HSPG2: variants seen among roughly 807,000 people sequenced by gnomAD.
The protein encoded by HSPG2 is heparan sulfate proteoglycan 2, also known as basement membrane-specific heparan sulfate proteoglycan core protein.
Under a neutral mutation model 526.6 loss-of-function variants are expected in HSPG2, and 278 were observed. That is an observed-to-expected ratio of 0.53 (90% confidence interval 0.48 to 0.58). The LOEUF (loss-of-function observed/expected upper bound fraction) is 0.58, where lower values mean the gene tolerates loss of function less well. HSPG2 is among the 20% of genes least tolerant of loss of function. The pLI is 0.00. For synonymous variants in HSPG2, 2,465 were observed against 2,555.4 expected, an observed-to-expected ratio of 0.96 and a Z score of 1.07; for missense variants, 5,354 against 6,099.5, an observed-to-expected ratio of 0.88 and a Z score of 4.07.
chr1:21,880,277 G>A (rs1272175507), intron 16 of HSPG2, 23 bp from the exon 17 acceptor site: 25 of 1,614,020 alleles, frequency 1.5e-5, no homozygotes, highest in East Asian at 4.5e-5. Flanking sequence ...GACCAAAAGA[G>A]TCGCTGCAAG....
At chr1:21,902,159 C>T (rs1643134944) in intron 1 of HSPG2, among the ~76,000 whole-genome samples, 1 of 152,092 alleles carries the variant, frequency 6.6e-6, no homozygotes, top group South Asian at 2.1e-4. Context: ...GGGCTCAGAG[C>T]CCGACACAAA....
rs770608160 is a variant in HSPG2 at position 21,824,096 on chromosome 1, C to G, written c.12899+25G>C. 35 of 1,604,032 alleles carry G rather than the reference C, an allele frequency of 2.2e-5. No homozygotes were observed. The highest frequency in any genetic ancestry group is 2.7e-5 in the Non-Finnish European group (32 of 1,174,024). On this transcript the variant is annotated intron_variant, in intron 95 of 96. Coordinates refer to ENST00000374695, the MANE Select transcript of HSPG2 (RefSeq NM_005529.7). The surrounding 1 kb of genome is among the most constrained non-coding windows in gnomAD (Gnocchi z 5.9). ...CCACTCCAGAACGCTGGGCCCCATC[C>G]CGAGTGCCCGGCAGGGTCCCTTACC... is the stretch of plus-strand genomic sequence containing the variant.
chr1:21,894,817 C>T (rs1450628120), intron 3 of HSPG2, among the ~76,000 whole-genome samples: 1 of 152,160 alleles, frequency 6.6e-6, no homozygotes, highest in African/African-American at 2.4e-5. Context: ...GCCATGTGTG[C>T]CTGGGGCCCA....
At chr1:21,870,443 GC>G (rs917153130) in intron 33 of HSPG2, 39 of 251,658 alleles carry the variant, frequency 1.5e-4, no homozygotes, top group African/African-American at 7.4e-4. Flanking sequence ...AAAGATGCAT[GC>G]CCCCCCTCTC....
intron 1 of HSPG2, among the ~76,000 whole-genome samples, chr1:21,907,627 C>T (rs1643447212): frequency 6.6e-6 from 1 of 152,172 alleles, no homozygotes; most frequent in African/African-American, 2.4e-5. Flanking sequence ...AAGATATCCT[C>T]CTGCCTCAGC....
chr1:21,850,459 C>G lies in HSPG2; in HGVS notation c.7198G>C (p.Ala2400Pro). Residue 2400 changes from alanine (A) to proline (P), a missense_variant, in exon 56 of 97, where the codon GCC becomes CCC. Ala to Pro is a conservative substitution (Grantham distance 27). Transcript: ENST00000374695. ...CGGCACACGTACTCGCCCGAGTCGG[C>G]GGGGGACGCTTGGTAGAGTCTCAGC... The part of the protein sequence containing the change: ...SLLRLYQASP[A>P]DSGEYVCRVL... 6.2e-7 allele frequency: 1 copy of G among 1,612,044 alleles called. No homozygotes were observed. Among genetic ancestry groups the G allele is most frequent in the Non-Finnish European group, 8.5e-7 (1 of 1,179,346 alleles).
chr1:21,828,057 C>T lies in HSPG2; in HGVS notation c.12505G>A (p.Gly4169Ser). ...CQGTRCLCLP[G>S]FSGPRCQQGS... ...TGTTGGCAGCGTGGGCCAGAGAAGC[C>T]AGGGAGGCAGAGGCAGCGGGTGCCC... is the stretch of plus-strand genomic sequence containing the variant. The change falls in exon 90 of 97, where the codon GGC becomes AGC. Residue 4169 changes from glycine (G) to serine (S), a missense_variant. Gly to Ser is a moderately conservative substitution (Grantham distance 56, BLOSUM62 0). Transcript: ENST00000374695. The surrounding 1 kb of genome is among the most constrained non-coding windows in gnomAD (Gnocchi z 6.0). 6.2e-7 allele frequency: 1 copy of T among 1,613,580 alleles called. No homozygotes were observed. Among genetic ancestry groups the T allele is most frequent in the African/African-American group, 1.3e-5 (1 of 75,014 alleles).
chr1:21,839,180 A>C lies in HSPG2; in HGVS notation c.9890-95T>G. 2.0e-6 allele frequency: 3 copies of C among 1,494,834 alleles called. No homozygotes were observed. The highest frequency in any genetic ancestry group is 2.7e-6 in the Non-Finnish European group (3 of 1,105,174). 92.6% of individuals were successfully genotyped at this position (1,494,834 alleles called of 1,614,324 possible). On this transcript the variant is annotated intron_variant, in intron 73 of 96. Coordinates refer to ENST00000374695, the MANE Select transcript of HSPG2 (RefSeq NM_005529.7). This position sits in a 1 kb window ranked among gnomAD's most constrained non-coding sequence, Gnocchi z 4.5. ...CAGTGTCCAGGGAAGCTGAATGGTG[A>C]GCCCAGAGGACTGGGGATAAGGAAA... is the stretch of plus-strand genomic sequence containing the variant.
rs1276908675 is a variant in HSPG2, at chr1:21,884,803, T to G, written c.1471A>C (p.Ile491Leu). ...ACGAGCTCAAGGACACCGTCAGGAA[T>G]GCCAAACACCATGCCCCGGGCGTTC... ...AMNARGMVFG[I>L]PDGVLELVPQ... Residue 491 changes from isoleucine to leucine, a missense_variant, in exon 12 of 97, where the codon ATT (isoleucine) becomes CTT (leucine). Ile to Leu is a conservative substitution (Grantham distance 5). Coordinates refer to ENST00000374695, the MANE Select transcript of HSPG2 (RefSeq NM_005529.7). 1 of 1,613,610 alleles carries G rather than the reference T, an allele frequency of 6.2e-7. No individual in the cohort carries two copies. Among genetic ancestry groups the G allele is most frequent in the Non-Finnish European group, 8.5e-7 (1 of 1,180,004 alleles).
Position 21,862,122 on chromosome 1 carries a change from G to A in HSPG2, c.4741-7C>T. On this transcript the variant is annotated splice_polypyrimidine_tract_variant and splice_region_variant and intron_variant, in intron 37 of 96. Coordinates refer to ENST00000374695, the MANE Select transcript of HSPG2 (RefSeq NM_005529.7). ...CGGCGTTGTGCTGGCATTGCTGCAG[G>A]GCACAAGGAGGGCAGGCACCAGCCA... 1.1e-5 allele frequency: 18 copies of A among 1,611,602 alleles called. No individual in the cohort carries two copies. Among genetic ancestry groups the A allele is most frequent in the Non-Finnish European group, 1.5e-5 (18 of 1,179,992 alleles).
Position 21,896,195 on chromosome 1 carries a change from A to C in HSPG2, c.179T>G (p.Leu60Arg). Reference protein sequence around the residue: ...HSYLSDDEDMLADSISGDDLG... With the variant: ...HSYLSDDEDMRADSISGDDLG... Reference sequence around the variant, plus strand: ...CTCACCTCCTGAGATGCTGTCAGCCAGCATGTCCTCATCATCAGAAAGGTA... The same window carrying C: ...CTCACCTCCTGAGATGCTGTCAGCCCGCATGTCCTCATCATCAGAAAGGTA... Residue 60 changes from leucine (L) to arginine (R), a missense_variant, in exon 2 of 97, where the codon CTG becomes CGG. Leu to Arg is a moderately radical substitution (Grantham distance 102). Transcript: ENST00000374695. 6.2e-7 allele frequency: 1 copy of C among 1,613,194 alleles called. No homozygotes were observed. The highest frequency in any genetic ancestry group is 8.5e-7 in the Non-Finnish European group (1 of 1,179,888).
chr1:21,824,274 A>T lies in HSPG2; in HGVS notation c.12815+32T>A, dbSNP rs1443187794. 1 of 1,613,274 alleles carries T rather than the reference A, an allele frequency of 6.2e-7. No homozygotes were observed. The highest frequency in any genetic ancestry group is 1.1e-5 in the South Asian group (1 of 91,072). ...GGGGGTGGGGTGCTGGGACCAGGGA[A>T]GGGAGAGGAAGGGCCAGGTGCCAGG... On this transcript the variant is annotated intron_variant, in intron 94 of 96. Transcript: ENST00000374695. The surrounding 1 kb of genome is among the most constrained non-coding windows in gnomAD (Gnocchi z 5.9).
intron 81 of HSPG2, among the ~76,000 whole-genome samples, chr1:21,832,081 C>T (rs2098006727): frequency 6.6e-6 from 1 of 152,194 alleles, no homozygotes; most frequent in Admixed American, 6.5e-5. Context: ...CCTTGTTCCT[C>T]TGAGGACTCC....
rs1289650402 is a variant in HSPG2, at chr1:21,828,328, A to T, written c.12336T>A (p.Pro4112=). ...CYDSSPCERQ[P]CQHGATCMPA... ...GCATGCACGTGGCACCATGTTGGCA[A>T]GGCTGGCGCTCACATGGGGAGCTAT... The change falls in exon 89 of 97, where the codon CCT becomes CCA. Residue 4112 remains proline (P), a synonymous_variant. Coordinates refer to ENST00000374695, the MANE Select transcript of HSPG2 (RefSeq NM_005529.7). The surrounding 1 kb of genome is among the most constrained non-coding windows in gnomAD (Gnocchi z 6.0). The T allele has an allele frequency of 6.8e-6, 11 of 1,613,804 alleles. No individual in the cohort carries two copies. The highest frequency in any genetic ancestry group is 9.3e-6 in the Non-Finnish European group (11 of 1,180,018).
At chr1:21,838,135 C>CAAAAAA (rs35291473) in intron 74 of HSPG2, among the ~76,000 whole-genome samples, 2 of 75,222 alleles carry the variant, frequency 2.7e-5, no homozygotes, top group Non-Finnish European at 4.7e-5. Context: ...GATTCTGTCT[C>CAAAAAA]AAAAAAAAAA....
chr1:21,870,813 C>A, intron 33 of HSPG2: 1 of 986,262 alleles, frequency 1.0e-6, no homozygotes, highest in Non-Finnish European at 1.2e-6. Context: ...CAACTTCACA[C>A]CACGCACGTC....
chr1:21,919,998 C>A (rs948577975), intron 1 of HSPG2, among the ~76,000 whole-genome samples: 3 of 152,178 alleles, frequency 2.0e-5, no homozygotes, highest in African/African-American at 7.2e-5. Context: ...CTGCCGCCTC[C>A]CGGGTTCAAG....
intron 6 of HSPG2, chr1:21,888,810 G>A (rs1642142227): frequency 1.3e-5 from 12 of 912,104 alleles, no homozygotes; most frequent in South Asian, 1.2e-4. Flanking sequence ...TCCCTAGCCA[G>A]GAGGACTTAT....
In HSPG2 at chr1:21,842,784, G is replaced by C; in HGVS notation, c.8896C>G (p.Pro2966Ala). The C allele has an allele frequency of 6.2e-7, 1 of 1,613,390 alleles. No homozygotes were observed. Among genetic ancestry groups the C allele is most frequent in the Admixed American group, 1.7e-5 (1 of 60,032 alleles). Residue 2966 changes from proline to alanine, a missense_variant, in exon 67 of 97, where the codon CCC (proline) becomes GCC (alanine). Physicochemically the swap from Pro to Ala is conservative, Grantham distance 27 (BLOSUM62 -1). Coordinates refer to ENST00000374695, the MANE Select transcript of HSPG2 (RefSeq NM_005529.7). ...GGCCCCTGTACCTGGTGCCGGGCGG[G>C]GAGGCTGCCCCCGCGCTTGTACCAC... ...VTWYKRGGSL[P>A]ARHQTHGSQL...
Sources: allele counts gnomAD v4.1 joint callset (sites outside exome capture counted in the v4.1 genomes callset), GRCh38; gene constraint gnomAD v4.1.1; non-coding constraint Gnocchi (gnomAD v3.1); transcripts MANE v1.5; gene names NCBI Gene and HGNC (gene_info 2026-07-23, HGNC 2026-07-21).